Variants in PRELID2 observed in about 807,000 individuals in gnomAD.
The protein encoded by PRELID2 is PRELI domain containing 2, also known as PRELI domain-containing protein 2.
Under a neutral mutation model 28.4 loss-of-function variants are expected in PRELID2, and 25 were observed. That is an observed-to-expected ratio of 0.88 (90% CI 0.64 to 1.23). PRELID2 has a LOEUF of 1.23. Ranked by LOEUF, PRELID2 falls within the 50% of genes most tolerant of loss-of-function variation. PRELID2 has a pLI of 0.00. For missense variants in PRELID2, 201 were observed against 214.4 expected (o/e 0.94, Z 0.39); for synonymous variants, 76 against 71.6 (o/e 1.06, Z -0.31).
At chr5:145,648,155 G>T (rs567504907) in intron 1 of PRELID2, among the ~76,000 whole-genome samples, 1 of 152,256 alleles carries the variant, frequency 6.6e-6, no homozygotes, top group East Asian at 1.9e-4. Flanking sequence ...TTTTAGTTCA[G>T]TAAGTCCCTA....
the PRELID2 span, among the ~76,000 whole-genome samples, chr5:145,373,151 ATATATGATATATAT>A: frequency 1.6e-3 from 71 of 44,422 alleles, 1 homozygote; most frequent in Middle Eastern, 0.05. Context: ...CATATATAAT[ATATATGATATATAT>A]TACAACATAT....
chr5:145,717,395 C>T (rs969408105), intron 1 of PRELID2, among the ~76,000 whole-genome samples: 5 of 151,966 alleles, frequency 3.3e-5, no homozygotes, highest in Admixed American at 2.0e-4. Context: ...CAGCTGTACA[C>T]TTTAAAATGG....
intron 1 of PRELID2, among the ~76,000 whole-genome samples, chr5:145,829,793 C>A (rs906023126): frequency 6.6e-6 from 1 of 152,170 alleles, no homozygotes; most frequent in African/African-American, 2.4e-5. Flanking sequence ...CAAAAGATAA[C>A]ATGTAAGTGT....
chr5:145,473,331 C>T (rs1752070327), intron 1 of PRELID2: 1 of 152,122 alleles, frequency 6.6e-6, no homozygotes, highest in Non-Finnish European at 1.5e-5. Context: ...AATTAAAATG[C>T]ATATTTTACA....
intron 1 of PRELID2, among the ~76,000 whole-genome samples, chr5:145,724,600 A>AAT (rs59677300): frequency 0.024 from 597 of 24,474 alleles, 34 homozygotes; most frequent in Non-Finnish European, 0.031. Context: ...GAAGTAAATA[A>AAT]ATATATATAT....
At chr5:145,354,442 A>C in the PRELID2 span, among the ~76,000 whole-genome samples, 3 of 152,134 alleles carry the variant, frequency 2.0e-5, no homozygotes, top group Non-Finnish European at 4.4e-5. Context: ...AAAGAAGAGG[A>C]TTCCTGGTTG....
chr5:145,627,129 AAAAAAAAAAAAAAAAAAT>A (rs1753859409), intron 1 of PRELID2, among the ~76,000 whole-genome samples: 12 of 106,608 alleles, frequency 1.1e-4, no homozygotes, highest in African/African-American at 4.2e-4. Flanking sequence ...AAAAAAAAAA[AAAAAAAAAAAAAAAAAAT>A]TTGTGTATAT....
chr5:145,392,057 C>A, the PRELID2 span, among the ~76,000 whole-genome samples: 1 of 152,144 alleles, frequency 6.6e-6, no homozygotes, highest in African/African-American at 2.4e-5. Flanking sequence ...ACTGTTCCGA[C>A]CTCTGTCTGT....
intron 1 of PRELID2, chr5:145,825,942 T>A (rs1354970481): frequency 1.3e-6 from 1 of 794,098 alleles, no homozygotes; most frequent in South Asian, 5.7e-5. Context: ...AAAACTCCCA[T>A]GAGAAAAAGT....
chr5:145,493,603 T>TG (rs1752286354), intron 1 of PRELID2, among the ~76,000 whole-genome samples: 1 of 152,148 alleles, frequency 6.6e-6, no homozygotes, highest in Non-Finnish European at 1.5e-5. Context: ...TCTGCTCCCA[T>TG]CACTCTGCTC....
chr5:145,400,098 T>C, the PRELID2 span, among the ~76,000 whole-genome samples: 5 of 152,136 alleles, frequency 3.3e-5, no homozygotes, highest in Admixed American at 3.3e-4. Context: ...TATTGGATAA[T>C]GGCTAGAAGT....
intron 1 of PRELID2, among the ~76,000 whole-genome samples, chr5:145,611,738 T>C (rs550777261): frequency 2.1e-4 from 32 of 152,204 alleles, no homozygotes; most frequent in Non-Finnish European, 4.1e-4. Context: ...ACAATCCCTA[T>C]CAAAATCCCA....
chr5:145,751,666 G>C (rs1274940179), downstream of PRELID2, among the ~76,000 whole-genome samples: 3 of 152,148 alleles, frequency 2.0e-5, no homozygotes, highest in African/African-American at 7.2e-5. Flanking sequence ...ACAAAGCTTT[G>C]AGAAAAATTA....
At chr5:145,741,769 T>G (rs1401737281) in intron 1 of PRELID2, among the ~76,000 whole-genome samples, 2 of 113,888 alleles carry the variant, frequency 1.8e-5, no homozygotes, top group African/African-American at 7.1e-5. Flanking sequence ...TATTTATATA[T>G]AAATAAAATT....
At chr5:145,546,213 A>T (rs1752786652) in intron 1 of PRELID2, among the ~76,000 whole-genome samples, 1 of 146,256 alleles carries the variant, frequency 6.8e-6, no homozygotes, top group South Asian at 2.1e-4. Flanking sequence ...CAAGCGAATA[A>T]CATAGGAGCA....
At chr5:145,709,582 TAA>T (rs1402726346) in intron 1 of PRELID2, among the ~76,000 whole-genome samples, 2 of 140,654 alleles carry the variant, frequency 1.4e-5, no homozygotes. Context: ...GATCTGTATT[TAA>T]AAAAAAAAAA....
At chr5:145,601,298 C>T (rs76092197) in intron 1 of PRELID2, among the ~76,000 whole-genome samples, 10,665 of 151,908 alleles carry the variant, frequency 0.07, 568 homozygotes, top group Admixed American at 0.18. Context: ...AAATAAATTG[C>T]TTAGCCTGAA....
At chr5:145,504,760 AC>A (rs1489708418) in intron 1 of PRELID2, among the ~76,000 whole-genome samples, 2 of 152,164 alleles carry the variant, frequency 1.3e-5, no homozygotes, top group Admixed American at 6.5e-5. Context: ...CTTCATGCAT[AC>A]TTCATTCTAC....
intron 4 of PRELID2, among the ~76,000 whole-genome samples, chr5:145,817,082 TCAGGAGGCTGAGGTG>T (rs1754356520): frequency 6.6e-6 from 1 of 150,582 alleles, no homozygotes; most frequent in South Asian, 2.1e-4. Context: ...TCCCTGCTTC[TCAGGAGGCTGAGGTG>T]GGAGGATCAC....
Sources: gnomAD v4.1 joint callset for allele counts (sites outside exome capture counted in the v4.1 genomes callset) on GRCh38, gnomAD v4.1.1 for gene constraint, MANE v1.5 for transcripts, NCBI Gene and HGNC (gene_info 2026-07-23, HGNC 2026-07-21) for gene names.